The following ZHX3 variants were observed in gnomAD, a reference collection of about 807,000 sequenced individuals.
The protein encoded by ZHX3 is zinc fingers and homeoboxes 3.
A neutral mutation model predicts 64.5 loss-of-function variants in ZHX3; 20 were observed. That is an observed-to-expected ratio of 0.31 (90% confidence interval 0.22 to 0.45). ZHX3 has a LOEUF of 0.45. Ranked by LOEUF, ZHX3 falls within the 20% of genes least tolerant of loss-of-function variation. ZHX3 has a pLI of 1.00. For synonymous variants in ZHX3, 423 were observed against 461.6 expected, an observed-to-expected ratio of 0.92 and a Z score of 1.07; for missense variants, 1,041 against 1,195.8, an observed-to-expected ratio of 0.87 and a Z score of 1.91.
intron 1 of ZHX3, among the ~76,000 whole-genome samples, chr20:41,282,622 T>G (rs1419988669): frequency 6.6e-6 from 1 of 152,160 alleles, no homozygotes; most frequent in Non-Finnish European, 1.5e-5. Flanking sequence ...CCTCCCAAAG[T>G]GCTGGGATTA....
intron 2 of ZHX3, among the ~76,000 whole-genome samples, chr20:41,217,453 CTT>C (rs1245445137): frequency 1.3e-5 from 2 of 151,944 alleles, no homozygotes; most frequent in Non-Finnish European, 2.9e-5. Flanking sequence ...AAAAAGAAAT[CTT>C]GTATCATAAA....
At chr20:41,308,083 A>C (rs1161207667) in intron 1 of ZHX3, among the ~76,000 whole-genome samples, 2 of 152,210 alleles carry the variant, frequency 1.3e-5, no homozygotes, top group African/African-American at 4.8e-5. Flanking sequence ...CGGGAGGAAA[A>C]GTGTGACATT....
chr20:41,205,890 C>A (rs1157864764), intron 2 of ZHX3, among the ~76,000 whole-genome samples: 1 of 152,200 alleles, frequency 6.6e-6, no homozygotes, highest in Admixed American at 6.5e-5. Flanking sequence ...CTGGGAGGCA[C>A]CTCCCAGTAG....
chr20:41,186,147 A>G (rs1209128511), intron 3 of ZHX3, among the ~76,000 whole-genome samples: 1 of 152,206 alleles, frequency 6.6e-6, no homozygotes, highest in Non-Finnish European at 1.5e-5. Flanking sequence ...CCATTAAACA[A>G]CAACTCCCCA....
intron 2 of ZHX3, among the ~76,000 whole-genome samples, chr20:41,216,446 C>A (rs1446560738): frequency 2.0e-5 from 3 of 152,234 alleles, no homozygotes; most frequent in Non-Finnish European, 2.9e-5. Flanking sequence ...ATAATTAATT[C>A]TTTTAAAAAA....
rs568284480 is a variant in ZHX3, at chr20:41,282,361, CT to C, written c.-244-13279del. Among the ~76,000 whole-genome samples, 191 of 97,198 alleles carry C rather than the reference CT, an allele frequency of 2.0e-3. 1 individual carries two copies. In the Middle Eastern group the frequency reaches 0.025, roughly 13 times the overall value. 63.8% of individuals were successfully genotyped at this position (97,198 alleles called of 152,430 possible). A position where few individuals can be genotyped will look rare whatever the true frequency, so the allele number is the denominator to read the frequency against. Reference sequence around the variant, plus strand: ...TAGAGGTCCATTAGACACAATTCATCTTTTTTTTTTTTTTTTTTTGCGAAGT... The same window carrying C: ...TAGAGGTCCATTAGACACAATTCATCTTTTTTTTTTTTTTTTTTGCGAAGT... On this transcript the variant is annotated intron_variant, in intron 1 of 3. Coordinates refer to ENST00000683867, the MANE Select transcript of ZHX3 (RefSeq NM_001384317.1).
Position 41,195,144 on chromosome 20 carries a change from G to A in ZHX3, c.2860+6913C>T, listed in dbSNP as rs1009676839. Reference sequence around the variant, plus strand: ...TAAAAAAAGTTTTTTTAAGACATGGGGTCTTACGCTGTCACCCAGGCTGGA... The same window carrying A: ...TAAAAAAAGTTTTTTTAAGACATGGAGTCTTACGCTGTCACCCAGGCTGGA... On this transcript the variant is annotated intron_variant, in intron 3 of 3. Coordinates refer to ENST00000683867, the MANE Select transcript of ZHX3 (RefSeq NM_001384317.1). The surrounding 1 kb of genome is among the most constrained non-coding windows in gnomAD (Gnocchi z 4.2). Among the ~76,000 whole-genome samples the A allele has an allele frequency of 6.6e-6, 1 of 151,944 alleles. No homozygotes were observed. Among genetic ancestry groups the A allele is most frequent in the Admixed American group, 6.6e-5 (1 of 15,230 alleles).
chr20:41,254,251 T>C (rs1449812085), intron 2 of ZHX3, among the ~76,000 whole-genome samples: 2 of 152,206 alleles, frequency 1.3e-5, no homozygotes, highest in African/African-American at 2.4e-5. Flanking sequence ...TATTTGCTTA[T>C]TCACCCATCA....
chr20:41,201,307 G>A lies in ZHX3; in HGVS notation c.2860+750C>T. ...TCACCTGAGCTTCTGGCTGCCCTCT[G>A]ATGGGGTCTCTAATGAGAACACAAA... On this transcript the variant is annotated intron_variant, in intron 3 of 3. Coordinates refer to ENST00000683867, the MANE Select transcript of ZHX3 (RefSeq NM_001384317.1). This position sits in a 1 kb window ranked among gnomAD's most constrained non-coding sequence, Gnocchi z 5.0. 1 of 1,304,352 alleles carries A rather than the reference G, an allele frequency of 7.7e-7. No homozygotes were observed. Among genetic ancestry groups the A allele is most frequent in the Non-Finnish European group, 1.0e-6 (1 of 988,970 alleles). The allele number at this position is 1,304,352 out of a possible 1,614,324, so 80.8% of individuals were successfully genotyped here.
chr20:41,217,411 T>TA (rs71332490), intron 2 of ZHX3, among the ~76,000 whole-genome samples: 3 of 151,570 alleles, frequency 2.0e-5, no homozygotes, highest in South Asian at 2.1e-4. Flanking sequence ...TTTTCATAAT[T>TA]AAAAAAAAAT....
intron 1 of ZHX3, among the ~76,000 whole-genome samples, chr20:41,294,933 G>A (rs908702491): frequency 6.6e-6 from 1 of 152,140 alleles, no homozygotes; most frequent in African/African-American, 2.4e-5. Flanking sequence ...CTGACCTCAA[G>A]TGATCCATGC....
chr20:41,252,995 T>C (rs747593003), intron 2 of ZHX3, among the ~76,000 whole-genome samples: 16 of 152,126 alleles, frequency 1.1e-4, no homozygotes, highest in Non-Finnish European at 2.1e-4. Flanking sequence ...TCTTTTTCTA[T>C]AACTGAGGAC....
chr20:41,287,902 T>C (rs1214732617), intron 1 of ZHX3, among the ~76,000 whole-genome samples: 1 of 152,240 alleles, frequency 6.6e-6, no homozygotes, highest in Non-Finnish European at 1.5e-5. Context: ...CAATAGATAA[T>C]ATACTCTCAT....
chr20:41,290,572 T>C (rs918757043), intron 1 of ZHX3: 3 of 152,272 alleles, frequency 2.0e-5, no homozygotes, highest in African/African-American at 7.2e-5. Flanking sequence ...TGTTACTGCA[T>C]CTGGTCACTT....
At chr20:41,280,533 G>A (rs2043624502) in intron 1 of ZHX3, among the ~76,000 whole-genome samples, 1 of 152,104 alleles carries the variant, frequency 6.6e-6, no homozygotes, top group Admixed American at 6.6e-5. Context: ...ATACTAAAAA[G>A]TTATTAGTGG....
At position 41,249,722 on chromosome 20, in the gene ZHX3, A is replaced by G. The variant is rs536910366; in HGVS notation, c.-151+19268T>C. 6.4e-4 allele frequency among the ~76,000 whole-genome samples: 98 copies of G among 152,350 alleles called. 1 individual carries two copies. The highest frequency in any genetic ancestry group is 5.0e-3 in the Admixed American group (76 of 15,306). The stretch of plus-strand genomic sequence containing the variant: ...TGTCACCGTTCAGACAAGATGGTCT[A>G]AACCCATTTCTCTCCCCACCTCCTT... On this transcript the variant is annotated intron_variant, in intron 2 of 3. Coordinates refer to ENST00000683867, the MANE Select transcript of ZHX3 (RefSeq NM_001384317.1).
rs992096831 is a variant in ZHX3, at chr20:41,195,534, G to A, written c.2860+6523C>T. ...GGGTTCAAATTATTCTCCTGCCTCA[G>A]CCTCCCAAGTAGCTGGGATTACAGG... On this transcript the variant is annotated intron_variant, in intron 3 of 3. Coordinates refer to ENST00000683867, the MANE Select transcript of ZHX3 (RefSeq NM_001384317.1). This position sits in a 1 kb window ranked among gnomAD's most constrained non-coding sequence, Gnocchi z 4.2. 6.6e-6 allele frequency among the ~76,000 whole-genome samples: 1 copy of A among 152,182 alleles called. No individual in the cohort carries two copies. Among genetic ancestry groups the A allele is most frequent in the African/African-American group, 2.4e-5 (1 of 41,452 alleles).
intron 1 of ZHX3, among the ~76,000 whole-genome samples, chr20:41,299,326 T>C (rs761777022): frequency 6.6e-6 from 1 of 152,222 alleles, no homozygotes; most frequent in South Asian, 2.1e-4. Context: ...ATCTGTCACA[T>C]GATTTTGAGT....
chr20:41,215,770 TAAAAAAAAAAA>T (rs55922605), intron 2 of ZHX3, among the ~76,000 whole-genome samples: 8 of 101,166 alleles, frequency 7.9e-5, no homozygotes, highest in Admixed American at 2.2e-4. Context: ...ACGTCTCTAC[TAAAAAAAAAAA>T]AAAAAAAAAA....
Sources: allele counts gnomAD v4.1 joint callset (sites outside exome capture counted in the v4.1 genomes callset), GRCh38; gene constraint gnomAD v4.1.1; non-coding constraint Gnocchi (gnomAD v3.1); transcripts MANE v1.5; gene names NCBI Gene and HGNC (gene_info 2026-07-23, HGNC 2026-07-21).